The following RBFOX1 variants were observed in gnomAD, a reference collection of about 807,000 sequenced individuals.
The protein encoded by RBFOX1 is RNA binding protein fox-1 homolog 1.
RBFOX1 carries 8 observed loss-of-function variants against 57.7 expected under a neutral mutation model. That is an observed-to-expected ratio of 0.14 (90% confidence interval 0.08 to 0.25). RBFOX1 has a LOEUF of 0.25. RBFOX1 is among the 10% of genes least tolerant of loss of function. The pLI, the probability that RBFOX1 is intolerant of heterozygous loss-of-function variation, is 1.00. For synonymous variants in RBFOX1, 326 were observed against 222.4 expected (o/e 1.47, Z -4.15); for missense variants, 611 against 548.5 (o/e 1.11, Z -1.14).
In RBFOX1 at chr16:6,977,161, T is replaced by A. The variant is rs9937701; in HGVS notation, c.-15-74896T>A. ...TATATTATATATATCATATATATCA[T>A]ATATTATCATATATAGATCATATAT... On this transcript the variant is annotated intron_variant, in intron 3 of 15. Coordinates refer to ENST00000550418, the MANE Select transcript of RBFOX1 (RefSeq NM_018723.4). 1.7e-3 allele frequency among the ~76,000 whole-genome samples: 254 copies of A among 146,242 alleles called. 3 individuals carry two copies. Among genetic ancestry groups the A allele is most frequent in the African/African-American group, 6.1e-3 (245 of 40,048 alleles).
chr16:7,165,484 C>A (rs1601606475), intron 4 of RBFOX1, among the ~76,000 whole-genome samples: 1 of 151,620 alleles, frequency 6.6e-6, no homozygotes, highest in East Asian at 1.9e-4. Context: ...GGCTGGAGTG[C>A]AATGGCATGA....
At position 5,891,828 on chromosome 16, in the gene RBFOX1, A is replaced by G. The variant is rs574686493; in HGVS notation, c.351+24493A>G. ...GTGGTCAGCTGTTTCTCTGACCTTGATGGAGGCTTGGAGACCCTCCATCCT... is the reference window on the plus strand; with the variant it reads ...GTGGTCAGCTGTTTCTCTGACCTTGGTGGAGGCTTGGAGACCCTCCATCCT... On this transcript the variant is annotated intron_variant, in intron 4 of 19. Coordinates refer to the RBFOX1 transcript ENST00000641259. Among the ~76,000 whole-genome samples, 6 of 152,244 alleles carry G rather than the reference A, an allele frequency of 3.9e-5. No individual in the cohort carries two copies. In the South Asian group the frequency reaches 1.2e-3, roughly 32 times the overall value.
At chr16:6,417,149 T>C (rs2093645548) in intron 2 of RBFOX1, among the ~76,000 whole-genome samples, 1 of 152,038 alleles carries the variant, frequency 6.6e-6, no homozygotes, top group Admixed American at 6.6e-5. Context: ...GTAGCTGAGA[T>C]TACAGGTGTG....
chr16:6,938,687 A>G (rs1023178292), intron 3 of RBFOX1, among the ~76,000 whole-genome samples: 8 of 152,120 alleles, frequency 5.3e-5, no homozygotes, highest in East Asian at 1.9e-4. Flanking sequence ...GGGCTTTGCC[A>G]TGTTGGCCAG....
chr16:5,713,397 T>C (rs142107779), intron 3 of RBFOX1, among the ~76,000 whole-genome samples: 129 of 152,258 alleles, frequency 8.5e-4, no homozygotes, highest in Non-Finnish European at 1.7e-3. Flanking sequence ...ATTTGAACCA[T>C]AGAGATTGGT....
intron 3 of RBFOX1, among the ~76,000 whole-genome samples, chr16:5,794,005 A>C (rs908578638): frequency 2.6e-5 from 4 of 152,192 alleles, no homozygotes; most frequent in African/African-American, 9.6e-5. Context: ...CAAACCTCTT[A>C]ACTGATCTGA....
chr16:6,212,002 G>A (rs1007797215), intron 1 of RBFOX1, among the ~76,000 whole-genome samples: 2 of 151,874 alleles, frequency 1.3e-5, no homozygotes, highest in African/African-American at 2.4e-5. Context: ...GGCACACAGC[G>A]CCATGCCTGG....
chr16:6,693,641 A>C (rs1603431041), intron 3 of RBFOX1, among the ~76,000 whole-genome samples: 1 of 150,612 alleles, frequency 6.6e-6, no homozygotes, highest in Admixed American at 6.6e-5. Flanking sequence ...CACTACCATC[A>C]CCACCACAAT....
intron 3 of RBFOX1, among the ~76,000 whole-genome samples, chr16:6,741,106 C>T (rs57400725): frequency 0.23 from 34,857 of 151,970 alleles, 4,886 homozygotes; most frequent in Admixed American, 0.32. Context: ...AATGCAAAAG[C>T]AATTTAATGG....
At chr16:6,517,026 A>G (rs1295069170) in intron 2 of RBFOX1, among the ~76,000 whole-genome samples, 1 of 152,160 alleles carries the variant, frequency 6.6e-6, no homozygotes, top group Non-Finnish European at 1.5e-5. Flanking sequence ...GTAGACATCA[A>G]CATAATGAAT....
At chr16:6,955,348 G>GCACACACACACACACACACACA (rs34550051) in intron 3 of RBFOX1, among the ~76,000 whole-genome samples, 1 of 150,230 alleles carries the variant, frequency 6.7e-6, no homozygotes, top group Non-Finnish European at 1.5e-5. Context: ...CCCCACATAT[G>GCACACACACACACACACACACA]CACACACACA....
intron 4 of RBFOX1, among the ~76,000 whole-genome samples, chr16:7,258,850 T>C (rs910964794): frequency 6.6e-6 from 1 of 152,156 alleles, no homozygotes; most frequent in African/African-American, 2.4e-5. Flanking sequence ...GAGACCCTGA[T>C]TTAAAATTAT....
intron 4 of RBFOX1, among the ~76,000 whole-genome samples, chr16:7,201,988 T>C (rs1368674581): frequency 6.6e-6 from 1 of 152,152 alleles, no homozygotes; most frequent in African/African-American, 2.4e-5. Context: ...CTAAGTAGCA[T>C]GTGTTAGGAG....
At chr16:7,436,887 C>A (rs148210819) in intron 4 of RBFOX1, among the ~76,000 whole-genome samples, 5 of 150,482 alleles carry the variant, frequency 3.3e-5, no homozygotes, top group African/African-American at 1.3e-4. Context: ...TATGGCGAAG[C>A]CCCATCACTA....
chr16:6,833,445 G>A (rs946023488), intron 3 of RBFOX1, among the ~76,000 whole-genome samples: 2 of 152,152 alleles, frequency 1.3e-5, no homozygotes, highest in African/African-American at 4.8e-5. Context: ...GGGGTTACAG[G>A]TGTGAACCAC....
At chr16:6,408,547 G>A (rs886781905) in intron 2 of RBFOX1, among the ~76,000 whole-genome samples, 1 of 152,154 alleles carries the variant, frequency 6.6e-6, no homozygotes, top group East Asian at 1.9e-4. Flanking sequence ...ACTTTTCAGA[G>A]CGTTATTGAT....
chr16:6,884,300 G>C (rs1044385691), intron 3 of RBFOX1, among the ~76,000 whole-genome samples: 4 of 152,166 alleles, frequency 2.6e-5, no homozygotes. Flanking sequence ...TGAAGCAACT[G>C]CAGCTCTGAG....
At chr16:6,335,791 G>GAAAAAAAAAAAAAAA (rs1251093700) in intron 2 of RBFOX1, among the ~76,000 whole-genome samples, 2 of 118,932 alleles carry the variant, frequency 1.7e-5, no homozygotes, top group African/African-American at 3.4e-5. Context: ...AAAAAAAAAA[G>GAAAAAAAAAAAAAAA]AAAAAAAAAA....
chr16:6,011,937 A>C (rs1489439304), intron 4 of RBFOX1, among the ~76,000 whole-genome samples: 1 of 152,166 alleles, frequency 6.6e-6, no homozygotes, highest in African/African-American at 2.4e-5. Flanking sequence ...AGTGAACTAC[A>C]ATATTTGTAA....
Sources: gnomAD v4.1 joint callset for allele counts (sites outside exome capture counted in the v4.1 genomes callset) on GRCh38, gnomAD v4.1.1 for gene constraint, MANE v1.5 for transcripts, NCBI Gene and HGNC (gene_info 2026-07-23, HGNC 2026-07-21) for gene names.